TENM2: variants seen among roughly 807,000 people sequenced by gnomAD.
TENM2 encodes teneurin-2.
TENM2 carries 52 observed loss-of-function variants against 245.2 expected under a neutral mutation model. The ratio of observed to expected loss-of-function variants is 0.21; its 90% CI spans 0.17 to 0.27. The LOEUF is 0.27. Ranked by LOEUF, TENM2 falls within the 10% of genes least tolerant of loss-of-function variation. The pLI, the probability that TENM2 is intolerant of heterozygous loss-of-function variation, is 1.00. For missense variants in TENM2, 3,046 were observed against 3,666.8 expected (o/e 0.83, Z 4.37); for synonymous variants, 1,363 against 1,438.9 (o/e 0.95, Z 1.19).
At chr5:168,227,115 C>A (rs1184251899) in intron 24 of TENM2, among the ~76,000 whole-genome samples, 1 of 152,194 alleles carries the variant, frequency 6.6e-6, no homozygotes, top group Non-Finnish European at 1.5e-5. Flanking sequence ...CAGAGGCCAG[C>A]CCAGGCCAGC....
intron 3 of TENM2, among the ~76,000 whole-genome samples, chr5:167,929,633 G>A (rs1411396496): frequency 6.6e-6 from 1 of 152,110 alleles, no homozygotes; most frequent in South Asian, 2.1e-4. Flanking sequence ...TGAATTTATG[G>A]AATATTATTT....
At chr5:167,948,657 C>T (rs1268700529) in intron 3 of TENM2, among the ~76,000 whole-genome samples, 2 of 152,150 alleles carry the variant, frequency 1.3e-5, no homozygotes, top group Non-Finnish European at 1.5e-5. Context: ...TGCCTTTTGT[C>T]TACTAATAGC....
chr5:168,033,302 G>T (rs1404969484), intron 5 of TENM2: 1 of 152,176 alleles, frequency 6.6e-6, no homozygotes, highest in African/African-American at 2.4e-5. Flanking sequence ...GATGACTATG[G>T]TTAAGGAAGC....
intron 25 of TENM2, among the ~76,000 whole-genome samples, chr5:168,236,765 T>C (rs1370770571): frequency 6.6e-6 from 1 of 150,850 alleles, no homozygotes; most frequent in Non-Finnish European, 1.5e-5. Flanking sequence ...AGGTGCCCAG[T>C]AAATATTGAA....
the TENM2 span, among the ~76,000 whole-genome samples, chr5:166,982,767 C>T: frequency 6.6e-6 from 1 of 151,178 alleles, no homozygotes; most frequent in Non-Finnish European, 1.5e-5. Context: ...GGGAACATTG[C>T]AAGACATATA....
At chr5:167,527,232 C>T (rs1199746213) in intron 2 of TENM2, among the ~76,000 whole-genome samples, 1 of 151,990 alleles carries the variant, frequency 6.6e-6, no homozygotes, top group South Asian at 2.1e-4. Context: ...TGAAATATGA[C>T]GTAGGCCCTC....
chr5:168,044,154 G>A (rs528065553), intron 5 of TENM2, among the ~76,000 whole-genome samples: 64 of 152,282 alleles, frequency 4.2e-4, no homozygotes, highest in African/African-American at 1.4e-3. Flanking sequence ...GGTGGCTCAC[G>A]CCTGTAATCC....
chr5:167,034,378 C>G, the TENM2 span, among the ~76,000 whole-genome samples: 2 of 152,068 alleles, frequency 1.3e-5, no homozygotes, highest in Non-Finnish European at 2.9e-5. Context: ...CGCCTGTAAT[C>G]CCAGCACTTT....
intron 2 of TENM2, among the ~76,000 whole-genome samples, chr5:167,568,655 G>GTA (rs1774065901): frequency 6.7e-6 from 1 of 148,586 alleles, no homozygotes; most frequent in African/African-American, 2.5e-5. Flanking sequence ...TGGTGTGTGT[G>GTA]TGTGTGTGTG....
intron 4 of TENM2, among the ~76,000 whole-genome samples, chr5:167,970,677 A>G (rs1214989105): frequency 6.6e-6 from 1 of 152,186 alleles, no homozygotes. Flanking sequence ...CAGGGGTCAG[A>G]TAGCTCCATA....
chr5:167,657,803 G>GA (rs903425002), intron 2 of TENM2, among the ~76,000 whole-genome samples: 1 of 152,168 alleles, frequency 6.6e-6, no homozygotes, highest in Non-Finnish European at 1.5e-5. Flanking sequence ...ACAAATCTTA[G>GA]AAAAAATAGA....
At chr5:167,215,166 C>T in the TENM2 span, among the ~76,000 whole-genome samples, 2 of 152,178 alleles carry the variant, frequency 1.3e-5, no homozygotes, top group African/African-American at 2.4e-5. Flanking sequence ...TAAAGCTAGG[C>T]GAGCTTGCTC....
chr5:167,247,554 C>G, the TENM2 span, among the ~76,000 whole-genome samples: 2 of 152,058 alleles, frequency 1.3e-5, no homozygotes, highest in East Asian at 3.9e-4. Context: ...AATAGAAACC[C>G]CAAAGCAATA....
chr5:167,003,597 T>A, the TENM2 span, among the ~76,000 whole-genome samples: 2 of 152,196 alleles, frequency 1.3e-5, no homozygotes, highest in African/African-American at 4.8e-5. Flanking sequence ...ATGGTGTGTG[T>A]TTGTGATTGA....
At chr5:167,852,192 C>A (rs1022515222) in intron 2 of TENM2, among the ~76,000 whole-genome samples, 5 of 152,188 alleles carry the variant, frequency 3.3e-5, no homozygotes, top group Non-Finnish European at 5.9e-5. Context: ...CAAGCTTGAA[C>A]CACTTAAGTC....
chr5:167,366,885 T>C (rs577158982), intron 1 of TENM2, among the ~76,000 whole-genome samples: 1 of 152,282 alleles, frequency 6.6e-6, no homozygotes, highest in African/African-American at 2.4e-5. Flanking sequence ...AACTGATTGG[T>C]ATAGTTTTTA....
chr5:167,732,116 G>T (rs542958366), intron 2 of TENM2, among the ~76,000 whole-genome samples: 10 of 152,214 alleles, frequency 6.6e-5, no homozygotes, highest in Admixed American at 2.0e-4. Flanking sequence ...TTGTGCTTTG[G>T]AACTGAGCTC....
At chr5:168,172,735 C>T (rs1758959489) in intron 13 of TENM2, among the ~76,000 whole-genome samples, 1 of 152,224 alleles carries the variant, frequency 6.6e-6, no homozygotes, top group Non-Finnish European at 1.5e-5. Flanking sequence ...ATTTGGAATG[C>T]ATTTTTGCCA....
chr5:167,511,021 C>T (rs1417016962), intron 2 of TENM2, among the ~76,000 whole-genome samples: 1 of 152,110 alleles, frequency 6.6e-6, no homozygotes, highest in Non-Finnish European at 1.5e-5. Context: ...GCATCAATTC[C>T]TTCTTAACAC....
Sources: allele counts gnomAD v4.1 joint callset (sites outside exome capture counted in the v4.1 genomes callset), GRCh38; gene constraint gnomAD v4.1.1; transcripts MANE v1.5; gene names NCBI Gene and HGNC (gene_info 2026-07-23, HGNC 2026-07-21).